The following AP1S3 variants were observed in gnomAD, a reference collection of about 807,000 sequenced individuals.
AP1S3 encodes the protein AP-1 complex subunit sigma-3.
AP1S3 carries 10 observed loss-of-function variants against 20.9 expected under a neutral mutation model. The ratio of observed to expected loss-of-function variants is 0.48; its 90% CI spans 0.29 to 0.81. The LOEUF (loss-of-function observed/expected upper bound fraction) is 0.81, where lower values mean the gene tolerates loss of function less well. AP1S3 is among the 30% of genes least tolerant of loss of function. The pLI is 0.08. For synonymous variants in AP1S3, 41 were observed against 61.5 expected (o/e 0.67, Z 1.56); for missense variants, 154 against 183.8 (o/e 0.84, Z 0.94).
At chr2:223,810,976 A>G (rs1691710517) in intron 1 of AP1S3, among the ~76,000 whole-genome samples, 1 of 152,056 alleles carries the variant, frequency 6.6e-6, no homozygotes, top group Non-Finnish European at 1.5e-5. Flanking sequence ...TTTTGTGATA[A>G]AATATACATA....
At chr2:223,833,181 AC>A (rs11289216) in intron 1 of AP1S3, among the ~76,000 whole-genome samples, 74,352 of 151,548 alleles carry the variant, frequency 0.49, 18,355 homozygotes, top group Middle Eastern at 0.57. Context: ...TATTAAAAGT[AC>A]CCCCAAAGCA....
rs141781096 is a variant in AP1S3 at position 223,821,103 on chromosome 2, T to C, written c.3+16345A>G. 5.7e-3 allele frequency among the ~76,000 whole-genome samples: 871 copies of C among 152,288 alleles called. 7 individuals are homozygous for C. The highest frequency in any genetic ancestry group is 0.019 in the African/African-American group (809 of 41,554). The stretch of plus-strand genomic sequence containing the variant: ...CTGCTCTAGGTATGGATGCCTTCCC[T>C]CCCTGGAGCAGAAGCATAATCAGTT... On this transcript the variant is annotated intron_variant, in intron 1 of 4. Transcript: ENST00000396654.
At position 223,775,914 on chromosome 2, in the gene AP1S3, T is replaced by C; in HGVS notation, c.278A>G (p.Lys93Arg). Residue 93 changes from lysine (K) to arginine (R), a missense_variant, in exon 3 of 5, where the codon AAA becomes AGA. Transcript: ENST00000396654. ...IVHRYVELLDKYFGNVCELDI... is the reference protein window; with the variant it reads ...IVHRYVELLDRYFGNVCELDI... ...GACAACACTTACATTTCCAAAATAT[T>C]TGTCCAGCAGCTCCACGTAACGATG... is the stretch of plus-strand genomic sequence containing the variant. The C allele has an allele frequency of 6.2e-7, 1 of 1,614,020 alleles. No individual in the cohort carries two copies. Among genetic ancestry groups the C allele is most frequent in the Non-Finnish European group, 8.5e-7 (1 of 1,179,928 alleles).
intron 1 of AP1S3, among the ~76,000 whole-genome samples, chr2:223,805,758 G>GTTTGGTTA (rs1691564271): frequency 6.6e-6 from 1 of 152,158 alleles, no homozygotes; most frequent in South Asian, 2.1e-4. Context: ...GTTTCAGTGA[G>GTTTGGTTA]TTTGGTTATT....
At chr2:223,807,095 A>C (rs1691600206) in intron 1 of AP1S3, among the ~76,000 whole-genome samples, 1 of 152,100 alleles carries the variant, frequency 6.6e-6, no homozygotes, top group South Asian at 2.1e-4. Flanking sequence ...GCGAAACCCC[A>C]TCTCTATTAA....
intron 1 of AP1S3, among the ~76,000 whole-genome samples, chr2:223,827,838 T>C (rs1204924640): frequency 6.6e-6 from 1 of 151,398 alleles, no homozygotes; most frequent in East Asian, 2.0e-4. Context: ...GGCGGGCTGA[T>C]CACCTGAGGT....
intron 1 of AP1S3, among the ~76,000 whole-genome samples, chr2:223,822,815 G>A (rs943700664): frequency 6.6e-6 from 1 of 151,934 alleles, no homozygotes; most frequent in African/African-American, 2.4e-5. Flanking sequence ...TGAAATGGGA[G>A]AAAATATTTA....
At chr2:223,799,986 GGGCGGATCAC>G (rs1691428466) in intron 1 of AP1S3, among the ~76,000 whole-genome samples, 1 of 152,138 alleles carries the variant, frequency 6.6e-6, no homozygotes, top group South Asian at 2.1e-4. Context: ...GGGGCAAGGA[GGGCGGATCAC>G]TTGAGGTCAG....
chr2:223,794,523 T>C (rs1691290447), intron 1 of AP1S3, among the ~76,000 whole-genome samples: 1 of 152,202 alleles, frequency 6.6e-6, no homozygotes, highest in Non-Finnish European at 1.5e-5. Context: ...CACTTGTATT[T>C]GCCACATCTT....
intron 1 of AP1S3, among the ~76,000 whole-genome samples, chr2:223,806,983 T>C (rs1431461878): frequency 6.6e-6 from 1 of 152,172 alleles, no homozygotes; most frequent in African/African-American, 2.4e-5. Flanking sequence ...AAATACAAAA[T>C]AGGCTGGGCA....
intron 4 of AP1S3, among the ~76,000 whole-genome samples, chr2:223,763,872 C>T (rs1376285563): frequency 3.3e-5 from 5 of 152,186 alleles, no homozygotes; most frequent in Non-Finnish European, 5.9e-5. Context: ...TTTAATCACC[C>T]TCTTCCAAAT....
intron 1 of AP1S3, among the ~76,000 whole-genome samples, chr2:223,801,700 T>C (rs950067503): frequency 6.6e-6 from 1 of 152,094 alleles, no homozygotes; most frequent in Non-Finnish European, 1.5e-5. Flanking sequence ...CGCCTCGGCC[T>C]CCCAAAGTGC....
Position 223,827,268 on chromosome 2 carries a change from T to A in AP1S3, c.3+10180A>T, listed in dbSNP as rs6704726. Among the ~76,000 whole-genome samples, 6 of 152,074 alleles carry A rather than the reference T, an allele frequency of 3.9e-5. No individual in the cohort carries two copies. The East Asian group carries it at 9.6e-4, about 24-fold the overall frequency. On this transcript the variant is annotated intron_variant, in intron 1 of 4. Transcript: ENST00000396654. The stretch of plus-strand genomic sequence containing the variant: ...TAGTAATGAAACTGAAGGTAAGTAC[T>A]TGTTTATACAACAAAATTAAAAAGT...
At chr2:223,830,443 C>T (rs577980074) in intron 1 of AP1S3, among the ~76,000 whole-genome samples, 52 of 147,388 alleles carry the variant, frequency 3.5e-4, no homozygotes, top group African/African-American at 1.3e-3. Flanking sequence ...TACGCCACTG[C>T]ACTCCAGCCT....
In AP1S3 at chr2:223,758,587, T is replaced by G; in HGVS notation, c.*128A>C. ...TGTTAAACAACTTTAACTTTGTTAG[T>G]TAACAAAGAATCCCTTTAAATTATT... On this transcript the variant is annotated 3_prime_UTR_variant, in exon 5 of 5. Coordinates refer to ENST00000396654, the MANE Select transcript of AP1S3 (RefSeq NM_001039569.2). 7.3e-7 allele frequency: 1 copy of G among 1,370,622 alleles called. No individual in the cohort carries two copies. Among genetic ancestry groups the G allele is most frequent in the Non-Finnish European group, 9.4e-7 (1 of 1,060,278 alleles). The allele number at this position is 1,370,622 out of a possible 1,614,324, so 84.9% of individuals were successfully genotyped here. A position where few individuals can be genotyped will look rare whatever the true frequency, so the allele number is the denominator to read the frequency against.
At chr2:223,792,598 G>A (rs1180171470) in intron 1 of AP1S3, among the ~76,000 whole-genome samples, 2 of 152,032 alleles carry the variant, frequency 1.3e-5, no homozygotes, top group Non-Finnish European at 2.9e-5. Flanking sequence ...ATACTTAAAT[G>A]TAAAACCAAA....
In AP1S3 at chr2:223,757,434, G is replaced by A. The variant is rs1016500762; in HGVS notation, c.*1281C>T. 4.4e-6 allele frequency: 1 copy of A among 229,660 alleles called. No individual in the cohort carries two copies. The highest frequency in any genetic ancestry group is 2.3e-5 in the African/African-American group (1 of 42,620). The allele number at this position is 229,660 out of a possible 1,614,324, so 14.2% of individuals were successfully genotyped here. A position where few individuals can be genotyped will look rare whatever the true frequency, so the allele number is the denominator to read the frequency against. On this transcript the variant is annotated 3_prime_UTR_variant, in exon 5 of 5. Transcript: ENST00000396654. The stretch of plus-strand genomic sequence containing the variant: ...CCCAAAGTGCTGGAATTATAGGCAT[G>A]AGCCACTGTACCCGGCCTAATTTTT...
intron 1 of AP1S3, among the ~76,000 whole-genome samples, chr2:223,813,008 A>G (rs959642239): frequency 5.9e-5 from 9 of 151,888 alleles, no homozygotes; most frequent in African/African-American, 9.7e-5. Context: ...AGCTCACTAC[A>G]GCTTCCACCT....
intron 3 of AP1S3, among the ~76,000 whole-genome samples, chr2:223,768,524 A>T (rs1314667025): frequency 6.6e-6 from 1 of 152,162 alleles, no homozygotes; most frequent in East Asian, 1.9e-4. Flanking sequence ...TGTAAGACAC[A>T]AAAAATGCTT....
Sources: allele counts gnomAD v4.1 joint callset (sites outside exome capture counted in the v4.1 genomes callset), GRCh38; gene constraint gnomAD v4.1.1; transcripts MANE v1.5; gene names NCBI Gene and HGNC (gene_info 2026-07-23, HGNC 2026-07-21).